KCNH7: variants seen among roughly 807,000 people sequenced by gnomAD.
KCNH7 encodes the protein potassium voltage-gated channel subfamily H member 7, also known as voltage-gated inwardly rectifying potassium channel KCNH7.
A neutral mutation model predicts 120.8 loss-of-function variants in KCNH7; 49 were observed. The ratio of observed to expected loss-of-function variants is 0.41; its 90% confidence interval spans 0.32 to 0.51. The LOEUF is 0.51. KCNH7 is among the 20% of genes least tolerant of loss of function. The probability of loss-of-function intolerance (pLI) is 0.38; values close to 1 mark genes in which losing one functional copy is unlikely to be tolerated. For missense variants in KCNH7, 1,097 were observed against 1,446.6 expected (o/e 0.76, Z 3.92); for synonymous variants, 547 against 516.1 (o/e 1.06, Z -0.81).
At chr2:162,419,274 T>TAAAAAATAAAAAAAAA (rs1687629348) in intron 9 of KCNH7, among the ~76,000 whole-genome samples, 1 of 61,872 alleles carries the variant, frequency 1.6e-5, no homozygotes, top group Non-Finnish European at 3.2e-5. Context: ...TGTCCCAGGC[T>TAAAAAATAAAAAAAAA]AAAAAAAAAA....
chr2:162,400,899 G>A (rs1165555160), intron 9 of KCNH7, among the ~76,000 whole-genome samples: 4 of 151,912 alleles, frequency 2.6e-5, no homozygotes, highest in African/African-American at 7.2e-5. Flanking sequence ...TAGTAAAAAT[G>A]TTGACCCTGA....
intron 1 of KCNH7, among the ~76,000 whole-genome samples, chr2:162,837,642 A>C (rs1410641152): frequency 6.6e-6 from 1 of 152,214 alleles, no homozygotes; most frequent in Non-Finnish European, 1.5e-5. Context: ...AGTTTTAAGA[A>C]AAGACCGAAG....
At chr2:162,465,016 A>G (rs776669068) in intron 6 of KCNH7, among the ~76,000 whole-genome samples, 1 of 152,178 alleles carries the variant, frequency 6.6e-6, no homozygotes, top group Non-Finnish European at 1.5e-5. Flanking sequence ...CATTTCATAA[A>G]AGAATATGGA....
intron 2 of KCNH7, among the ~76,000 whole-genome samples, chr2:162,571,667 A>C (rs1419415322): frequency 1.4e-5 from 2 of 145,898 alleles, no homozygotes; most frequent in East Asian, 2.0e-4. Context: ...TACAGTAACC[A>C]AAACAGCATG....
intron 14 of KCNH7, among the ~76,000 whole-genome samples, chr2:162,375,028 T>C (rs1475107063): frequency 1.3e-5 from 2 of 152,178 alleles, no homozygotes; most frequent in African/African-American, 4.8e-5. Context: ...TTATACATAT[T>C]TTTCTTTCAT....
chr2:162,676,359 T>C (rs10202063), intron 2 of KCNH7, among the ~76,000 whole-genome samples: 24,081 of 151,424 alleles, frequency 0.16, 2,257 homozygotes, highest in East Asian at 0.46. Flanking sequence ...CTGTTGGGTT[T>C]AAACAGATAG....
chr2:162,705,544 G>T (rs970302908), intron 2 of KCNH7, among the ~76,000 whole-genome samples: 2 of 152,038 alleles, frequency 1.3e-5, no homozygotes, highest in Admixed American at 1.3e-4. Context: ...TAGGTATTTT[G>T]TGTCTCCTCT....
At chr2:162,603,435 T>C (rs893809863) in intron 2 of KCNH7, among the ~76,000 whole-genome samples, 1 of 152,146 alleles carries the variant, frequency 6.6e-6, no homozygotes, top group African/African-American at 2.4e-5. Context: ...ACTTTTATTA[T>C]ATGGCAAAGC....
rs543376713 is a variant in KCNH7 at position 162,587,037 on chromosome 2, T to C, written c.308-49957A>G. On this transcript the variant is annotated intron_variant, in intron 2 of 15. Transcript: ENST00000332142. Reference sequence around the variant, plus strand: ...CATCACTAATTCTACTGATTAAATGTTACTTGTAAGCAAAACTTAGTTAGT... The same window carrying C: ...CATCACTAATTCTACTGATTAAATGCTACTTGTAAGCAAAACTTAGTTAGT... Among the ~76,000 whole-genome samples the C allele has an allele frequency of 7.2e-5, 11 of 152,242 alleles. No homozygotes were observed. In the South Asian group the frequency reaches 2.3e-3, roughly 32 times the overall value.
intron 2 of KCNH7, among the ~76,000 whole-genome samples, chr2:162,607,223 A>AC (rs1461772170): frequency 3.9e-5 from 1 of 25,640 alleles, no homozygotes; most frequent in Non-Finnish European, 5.8e-5. Context: ...AAAAATACAA[A>AC]AAAAAAAAAA....
chr2:162,420,802 T>C (rs1320426957), intron 9 of KCNH7, among the ~76,000 whole-genome samples: 1 of 152,192 alleles, frequency 6.6e-6, no homozygotes, highest in Non-Finnish European at 1.5e-5. Context: ...GGAATGCTGA[T>C]GCGAAATACA....
At chr2:162,407,098 A>G (rs961251235) in intron 9 of KCNH7, among the ~76,000 whole-genome samples, 1 of 152,066 alleles carries the variant, frequency 6.6e-6, no homozygotes, top group Non-Finnish European at 1.5e-5. Context: ...TAAACATCAC[A>G]TAAGGCCAGA....
intron 2 of KCNH7, among the ~76,000 whole-genome samples, chr2:162,698,860 G>A (rs1314741361): frequency 6.6e-6 from 1 of 151,986 alleles, no homozygotes; most frequent in Non-Finnish European, 1.5e-5. Context: ...ATTTTCTCAA[G>A]TTTATGTTTT....
At chr2:162,388,982 T>C (rs1686661854) in intron 12 of KCNH7, among the ~76,000 whole-genome samples, 1 of 151,976 alleles carries the variant, frequency 6.6e-6, no homozygotes, top group Admixed American at 6.6e-5. Context: ...TCCCTACTCT[T>C]AGGATGTGTG....
intron 2 of KCNH7, among the ~76,000 whole-genome samples, chr2:162,748,932 TTCCTTCCTTCC>T (rs1559114004): frequency 8.4e-5 from 4 of 47,878 alleles, no homozygotes. Flanking sequence ...TTTCCTTTCC[TTCCTTCCTTCC>T]TTCCTTCCTT....
At chr2:162,826,479 T>C (rs1685290703) in intron 2 of KCNH7, among the ~76,000 whole-genome samples, 1 of 152,136 alleles carries the variant, frequency 6.6e-6, no homozygotes, top group Non-Finnish European at 1.5e-5. Flanking sequence ...TGTCTTTTTA[T>C]AATGAGTTAC....
intron 4 of KCNH7, among the ~76,000 whole-genome samples, chr2:162,513,157 C>CGCCCTCCCTCCCTTCTT (rs1691137140): frequency 1.7e-5 from 1 of 58,374 alleles, no homozygotes; most frequent in Non-Finnish European, 4.9e-5. Context: ...TCCTTCCTCC[C>CGCCCTCCCTCCCTTCTT]TCCCTCCCTC....
At chr2:162,729,162 ATTTTTT>A (rs1412794660) in intron 2 of KCNH7, among the ~76,000 whole-genome samples, 11 of 119,880 alleles carry the variant, frequency 9.2e-5, no homozygotes, top group Non-Finnish European at 1.5e-4. Context: ...ATATACCCAA[ATTTTTT>A]TTTTTTTTTT....
At position 162,838,678 on chromosome 2, in the gene KCNH7, C is replaced by T; in HGVS notation, c.-160G>A. ...TTCCCATTAGCACCACTTCTAGACA[C>T]CCGCTTTCCCCACCGGAGTCCAATC... On this transcript the variant is annotated 5_prime_UTR_variant, in exon 1 of 16. The change creates a new upstream start codon in the 5' untranslated region. Transcript: ENST00000332142. The T allele has an allele frequency of 1.8e-6, 1 of 559,646 alleles. No individual in the cohort carries two copies. The highest frequency in any genetic ancestry group is 2.2e-5 in the South Asian group (1 of 44,470). The allele number at this position is 559,646 out of a possible 1,614,324, so 34.7% of individuals were successfully genotyped here.
Sources: allele counts gnomAD v4.1 joint callset (sites outside exome capture counted in the v4.1 genomes callset), GRCh38; gene constraint gnomAD v4.1.1; transcripts MANE v1.5; gene names NCBI Gene and HGNC (gene_info 2026-07-23, HGNC 2026-07-21).